FOXP2: variants seen among roughly 807,000 people sequenced by gnomAD.
FOXP2 encodes the protein forkhead box protein P2.
FOXP2 carries 12 observed loss-of-function variants against 115.8 expected under a neutral mutation model. The ratio of observed to expected loss-of-function variants is 0.10; its 90% CI spans 0.07 to 0.17. FOXP2 has a LOEUF of 0.17. Ranked by LOEUF, FOXP2 falls within the 10% of genes least tolerant of loss-of-function variation. The pLI is 1.00. For missense variants in FOXP2, 629 were observed against 843.5 expected (o/e 0.75, Z 3.15); for synonymous variants, 328 against 297.7 (o/e 1.10, Z -1.05).
chr7:114,484,487 T>TA (rs762380422), intron 2 of FOXP2, among the ~76,000 whole-genome samples: 31 of 151,940 alleles, frequency 2.0e-4, no homozygotes, highest in Non-Finnish European at 3.5e-4. Context: ...CAAGAACAAA[T>TA]AAAAATCTTC....
At chr7:114,641,642 TTTTATTTA>T (rs1045728283) in intron 6 of FOXP2, among the ~76,000 whole-genome samples, 1 of 152,000 alleles carries the variant, frequency 6.6e-6, no homozygotes, top group Non-Finnish European at 1.5e-5. Context: ...TTGTTTTCCC[TTTTATTTA>T]TTTATTTATT....
At chr7:114,272,888 A>ATT in intron 1 of FOXP2, among the ~76,000 whole-genome samples, 1 of 151,730 alleles carries the variant, frequency 6.6e-6, no homozygotes, top group South Asian at 2.1e-4. Context: ...CAAAGAATTA[A>ATT]TTTTTACTTT....
chr7:114,322,957 G>A (rs961627499), intron 2 of FOXP2, among the ~76,000 whole-genome samples: 7 of 152,124 alleles, frequency 4.6e-5, no homozygotes, highest in Non-Finnish European at 7.4e-5. Context: ...CAATGTCACA[G>A]AGAACTTGTG....
chr7:114,132,525 AAATAG>A (rs1269399211), intron 1 of FOXP2, among the ~76,000 whole-genome samples: 2 of 150,876 alleles, frequency 1.3e-5, no homozygotes, highest in Non-Finnish European at 3.0e-5. Flanking sequence ...GAGAAAAATA[AAATAG>A]AAAAGATAAA....
chr7:114,183,118 T>C (rs1261979354), intron 1 of FOXP2, among the ~76,000 whole-genome samples: 1 of 152,134 alleles, frequency 6.6e-6, no homozygotes, highest in East Asian at 1.9e-4. Flanking sequence ...TTGGGCTGTG[T>C]GTTTGCCAAG....
chr7:114,650,255 C>G (rs937649039), intron 8 of FOXP2, among the ~76,000 whole-genome samples: 1 of 151,974 alleles, frequency 6.6e-6, no homozygotes, highest in East Asian at 1.9e-4. Flanking sequence ...AAAGTGATTT[C>G]ACAAGAAAAT....
chr7:114,107,930 A>G (rs998218152), intron 1 of FOXP2, among the ~76,000 whole-genome samples: 1 of 151,914 alleles, frequency 6.6e-6, no homozygotes, highest in African/African-American at 2.4e-5. Flanking sequence ...TAAAATTTTA[A>G]AGTCAATATA....
chr7:114,322,735 A>G (rs1031970892), intron 2 of FOXP2, among the ~76,000 whole-genome samples: 2 of 152,184 alleles, frequency 1.3e-5, no homozygotes, highest in African/African-American at 4.8e-5. Flanking sequence ...TTTATCTCAT[A>G]CAAACCTAGT....
intron 3 of FOXP2, among the ~76,000 whole-genome samples, chr7:114,612,874 A>G (rs1401841362): frequency 6.6e-6 from 1 of 152,210 alleles, no homozygotes; most frequent in Non-Finnish European, 1.5e-5. Context: ...ATTTCGAATC[A>G]GAATTCTTGC....
At chr7:114,102,823 T>G (rs568430760) in intron 1 of FOXP2, among the ~76,000 whole-genome samples, 1 of 152,074 alleles carries the variant, frequency 6.6e-6, no homozygotes, top group South Asian at 2.1e-4. Context: ...CTTGGAATTA[T>G]GAGCTTAACA....
chr7:114,187,156 G>A (rs144309072), intron 1 of FOXP2, among the ~76,000 whole-genome samples: 152 of 152,152 alleles, frequency 1.0e-3, no homozygotes, highest in Non-Finnish European at 1.4e-3. Flanking sequence ...TACCAAACAT[G>A]CTTTTCCATT....
At chr7:114,506,458 A>T (rs1797823090) in intron 2 of FOXP2, among the ~76,000 whole-genome samples, 1 of 151,640 alleles carries the variant, frequency 6.6e-6, no homozygotes, top group Non-Finnish European at 1.5e-5. Flanking sequence ...ATCATATATT[A>T]GTACTACCAA....
chr7:114,307,709 G>A (rs1487674980), intron 2 of FOXP2, among the ~76,000 whole-genome samples: 5 of 152,130 alleles, frequency 3.3e-5, no homozygotes, highest in Non-Finnish European at 7.3e-5. Flanking sequence ...GGAGAAATGT[G>A]AATTCATTTT....
intron 2 of FOXP2, among the ~76,000 whole-genome samples, chr7:114,385,239 A>G (rs1359804265): frequency 6.6e-6 from 1 of 152,078 alleles, no homozygotes; most frequent in Non-Finnish European, 1.5e-5. Context: ...GCCTCCTTAG[A>G]TCCCTTCGGA....
intron 1 of FOXP2, among the ~76,000 whole-genome samples, chr7:114,250,146 T>C (rs1383008623): frequency 1.3e-5 from 2 of 152,154 alleles, no homozygotes; most frequent in Non-Finnish European, 2.9e-5. Context: ...TATGGCTGCA[T>C]AGTATTCCAT....
At position 114,565,001 on chromosome 7, in the gene FOXP2, G is replaced by T. The variant is rs532981251; in HGVS notation, c.258+30295G>T. ...ATCTTATTTAATTCATTAATAAATAGCATTAATATTTCACAAATGTAGCTT... is the reference window on the plus strand; with the variant it reads ...ATCTTATTTAATTCATTAATAAATATCATTAATATTTCACAAATGTAGCTT... On this transcript the variant is annotated intron_variant, in intron 3 of 16. Transcript: ENST00000350908. Among the ~76,000 whole-genome samples, 12 of 150,806 alleles carry T rather than the reference G, an allele frequency of 8.0e-5. No individual in the cohort carries two copies. In the South Asian group the frequency reaches 2.5e-3, roughly 32 times the overall value.
intron 16 of FOXP2, among the ~76,000 whole-genome samples, chr7:114,682,565 G>C (rs1808143602): frequency 6.6e-6 from 1 of 152,036 alleles, no homozygotes; most frequent in Non-Finnish European, 1.5e-5. Flanking sequence ...TGTAACACAT[G>C]GCACCTTGAG....
chr7:114,625,477 A>C (rs2129325391), intron 3 of FOXP2, among the ~76,000 whole-genome samples: 1 of 151,984 alleles, frequency 6.6e-6, no homozygotes, highest in East Asian at 1.9e-4. Context: ...AAATTTTTAA[A>C]AGGCTGATAC....
intron 2 of FOXP2, among the ~76,000 whole-genome samples, chr7:114,457,219 A>G (rs565965252): frequency 3.4e-4 from 52 of 152,166 alleles, no homozygotes; most frequent in Non-Finnish European, 6.3e-4. Flanking sequence ...TATTTGTTTG[A>G]CAGTAGAAAC....
Sources: gnomAD v4.1 joint callset for allele counts (sites outside exome capture counted in the v4.1 genomes callset) on GRCh38, gnomAD v4.1.1 for gene constraint, MANE v1.5 for transcripts, NCBI Gene and HGNC (gene_info 2026-07-23, HGNC 2026-07-21) for gene names.